The following PCNX2 variants were observed in gnomAD, a reference collection of about 807,000 sequenced individuals.
The protein encoded by PCNX2 is pecanex-like protein 2.
In PCNX2, 168 loss-of-function variants were observed where a neutral mutation model predicts 223.8. The ratio of observed to expected loss-of-function variants is 0.75; its 90% CI spans 0.66 to 0.85. PCNX2 has a LOEUF of 0.85. Among genes scored for constraint, PCNX2 ranks in the 40% least tolerant of loss-of-function variants. PCNX2 has a pLI of 0.00. For missense variants in PCNX2, 2,507 were observed against 2,675.5 expected (o/e 0.94, Z 1.39); for synonymous variants, 1,006 against 1,052.6 (o/e 0.96, Z 0.86).
chr1:233,100,285 C>T (rs1002603662), intron 21 of PCNX2, among the ~76,000 whole-genome samples: 11 of 151,756 alleles, frequency 7.2e-5, no homozygotes, highest in African/African-American at 2.4e-4. Flanking sequence ...TGGTGGCTCG[C>T]ACCTATAATC....
intron 1 of PCNX2, among the ~76,000 whole-genome samples, chr1:233,268,465 T>A (rs1660464661): frequency 6.6e-6 from 1 of 152,202 alleles, no homozygotes. Flanking sequence ...TTTACTGATG[T>A]GTACCTCATA....
At position 233,258,381 on chromosome 1, in the gene PCNX2, G is replaced by A. The variant is rs776726614; in HGVS notation, c.1481C>T (p.Ser494Phe). ...GGAGCCTGTATCAGGTGTAAGCCGG[G>A]ACACCGATTCCCAGGGTTCCCGTGA... is the stretch of plus-strand genomic sequence containing the variant. ...SSSREPWESV[S>F]RLTPDTGSES... Residue 494 changes from serine (S) to phenylalanine (F), a missense_variant, in exon 5 of 34, where the codon TCC becomes TTC. Physicochemically the swap from Ser to Phe is radical, Grantham distance 155. Coordinates refer to ENST00000258229, the MANE Select transcript of PCNX2 (RefSeq NM_014801.4). 1 of 1,613,942 alleles carries A rather than the reference G, an allele frequency of 6.2e-7. No individual in the cohort carries two copies. The highest frequency in any genetic ancestry group is 8.5e-7 in the Non-Finnish European group (1 of 1,179,882).
chr1:233,174,184 ATG>A (rs1679333760), intron 17 of PCNX2, among the ~76,000 whole-genome samples: 1 of 110,036 alleles, frequency 9.1e-6, no homozygotes, highest in South Asian at 2.9e-4. Context: ...TATAATAAAT[ATG>A]TATTTAATTT....
intron 28 of PCNX2, among the ~76,000 whole-genome samples, chr1:233,004,091 G>A (rs550203396): frequency 6.6e-6 from 1 of 151,882 alleles, no homozygotes; most frequent in African/African-American, 2.4e-5. Context: ...ACCATGGTAC[G>A]TGTATACCTG....
At chr1:233,068,568 A>G (rs1672716851) in intron 23 of PCNX2, among the ~76,000 whole-genome samples, 1 of 152,296 alleles carries the variant, frequency 6.6e-6, no homozygotes, top group South Asian at 2.1e-4. Flanking sequence ...TCATGACATC[A>G]TGGTACAAGC....
intron 25 of PCNX2, among the ~76,000 whole-genome samples, chr1:233,036,663 C>T (rs1175427681): frequency 1.3e-5 from 2 of 151,894 alleles, no homozygotes; most frequent in Admixed American, 6.6e-5. Flanking sequence ...CAAGGAGCCT[C>T]CTTTTTCTTT....
intron 19 of PCNX2, among the ~76,000 whole-genome samples, chr1:233,155,689 G>T (rs1020082123): frequency 3.3e-5 from 5 of 152,108 alleles, no homozygotes; most frequent in Non-Finnish European, 7.3e-5. Context: ...TGTGAAATGT[G>T]ACTCAACCCC....
intron 23 of PCNX2, among the ~76,000 whole-genome samples, chr1:233,083,370 G>A (rs1673450130): frequency 6.6e-6 from 1 of 152,138 alleles, no homozygotes; most frequent in Non-Finnish European, 1.5e-5. Flanking sequence ...TTGATGCTGT[G>A]TCAGCAGGGG....
chr1:233,265,068 C>G (rs138703283), intron 1 of PCNX2, among the ~76,000 whole-genome samples: 8 of 148,432 alleles, frequency 5.4e-5, no homozygotes, highest in Non-Finnish European at 7.5e-5. Flanking sequence ...TGAGACCCCC[C>G]CTCCGATCTC....
At chr1:233,016,861 C>T in intron 27 of PCNX2, 60 bp downstream of exon 27, 2 of 1,569,594 alleles carry the variant, frequency 1.3e-6, no homozygotes, top group South Asian at 1.1e-5. Flanking sequence ...ATGGACATGA[C>T]AATGTTCTTT....
At chr1:233,144,774 C>T (rs572254603) in intron 19 of PCNX2, among the ~76,000 whole-genome samples, 45 of 152,022 alleles carry the variant, frequency 3.0e-4, no homozygotes, top group Non-Finnish European at 5.9e-4. Context: ...TTTATACATT[C>T]TAGGTATGAG....
intron 12 of PCNX2, 27 bp from the exon 13 acceptor site, chr1:233,208,716 G>A (rs1402392580): frequency 3.8e-6 from 6 of 1,588,666 alleles, no homozygotes; most frequent in Non-Finnish European, 5.1e-6. Context: ...ATTTCTGAAT[G>A]GTACCTCTTA....
chr1:233,193,238 A>C (rs77623435), intron 15 of PCNX2, among the ~76,000 whole-genome samples: 1,940 of 151,768 alleles, frequency 0.013, 22 homozygotes, highest in South Asian at 0.038. Context: ...GGAAAACTAT[A>C]AGGAGAGGAA....
At chr1:233,272,980 T>A (rs1660722420) in intron 1 of PCNX2, among the ~76,000 whole-genome samples, 1 of 151,822 alleles carries the variant, frequency 6.6e-6, no homozygotes, top group Non-Finnish European at 1.5e-5. Context: ...TACAATAGAC[T>A]CTGGGGACTT....
chr1:233,250,711 T>C (rs1659400822), intron 8 of PCNX2, 28 bp downstream of exon 8: 1 of 1,575,788 alleles, frequency 6.3e-7, no homozygotes, highest in Non-Finnish European at 8.6e-7. Context: ...GCAACAGCTC[T>C]CAAGCCTGGA....
At chr1:233,011,275 A>G (rs2102812228) in intron 28 of PCNX2, among the ~76,000 whole-genome samples, 1 of 152,302 alleles carries the variant, frequency 6.6e-6, no homozygotes, top group East Asian at 1.9e-4. Flanking sequence ...GTAATACAAC[A>G]TTAATATATT....
rs898849898 is a variant in PCNX2 at position 233,289,216 on chromosome 1, G to A, written c.153+6110C>T. Reference sequence around the variant, plus strand: ...TTTTTCTCCAATTCACATACTAGCCGGACTTGGATTTTCTGGAAAGATTTC... The same window carrying A: ...TTTTTCTCCAATTCACATACTAGCCAGACTTGGATTTTCTGGAAAGATTTC... On this transcript the variant is annotated intron_variant, in intron 1 of 33. Transcript: ENST00000258229. 108 of 868,786 alleles carry A rather than the reference G, an allele frequency of 1.2e-4. 1 individual carries two copies. The Admixed American group carries it at 1.3e-3, about 11-fold the overall frequency. The allele number at this position is 868,786 out of a possible 1,614,324, so 53.8% of individuals were successfully genotyped here.
chr1:233,323,405 G>C, the PCNX2 span, among the ~76,000 whole-genome samples: 1 of 152,114 alleles, frequency 6.6e-6, no homozygotes, highest in Non-Finnish European at 1.5e-5. Context: ...CCTGTATACA[G>C]GCATGCTTCA....
chr1:233,301,953 G>A, the PCNX2 span, among the ~76,000 whole-genome samples: 7 of 146,342 alleles, frequency 4.8e-5, no homozygotes, highest in Admixed American at 2.7e-4. Context: ...CACCACCCCC[G>A]GCTAATTTTT....
Sources: gnomAD v4.1 joint callset for allele counts (sites outside exome capture counted in the v4.1 genomes callset) on GRCh38, gnomAD v4.1.1 for gene constraint, MANE v1.5 for transcripts, NCBI Gene and HGNC (gene_info 2026-07-23, HGNC 2026-07-21) for gene names.